Variants in P2RX5 observed in about 807,000 individuals in gnomAD.
The protein encoded by P2RX5 is P2X purinoceptor 5.
A neutral mutation model predicts 54.1 loss-of-function variants in P2RX5; 46 were observed. That is an observed-to-expected ratio of 0.85 (90% CI 0.67 to 1.09). P2RX5 has a LOEUF of 1.09. Ranked by LOEUF, P2RX5 falls within the 50% of genes least tolerant of loss-of-function variation. The probability of loss-of-function intolerance (pLI) is 0.00; values close to 1 mark genes in which losing one functional copy is unlikely to be tolerated. For missense variants in P2RX5, 566 were observed against 549.8 expected, an observed-to-expected ratio of 1.03 and a Z score of -0.29; for synonymous variants, 226 against 226.4, an observed-to-expected ratio of 1.00 and a Z score of 0.02.
chr17:3,690,503 G>T lies in P2RX5; in HGVS notation c.457C>A (p.Leu153Met). Residue 153 changes from leucine (L) to methionine (M), a missense_variant, in exon 5 of 12, where the codon CTG becomes ATG. By Grantham distance (15) the Leu-to-Met change is conservative. Coordinates refer to ENST00000225328, the MANE Select transcript of P2RX5 (RefSeq NM_002561.4). Reference protein sequence around the residue: ...AGNGVKTGRCLRRENLARGTC... With the variant: ...AGNGVKTGRCMRRENLARGTC... The stretch of plus-strand genomic sequence containing the variant: ...CCCCTGGCCAAGTTCTCTCTCCGCA[G>T]GCAGCGGCCGGTCTTCACTCCTGCA... The T allele has an allele frequency of 6.2e-7, 1 of 1,613,592 alleles. No homozygotes were observed. Among genetic ancestry groups the T allele is most frequent in the African/African-American group, 1.3e-5 (1 of 75,060 alleles).
chr17:3,688,720 G>T lies in P2RX5; in HGVS notation c.793C>A (p.Leu265Ile), dbSNP rs763368240. ...TGGCACTCAGAGGCAGCTTTATCAA[G>T]ATCACAGTTCCATTCAATATTAATT... is the stretch of plus-strand genomic sequence containing the variant. ...IGINIEWNCD[L>I]DKAASECHPH... Residue 265 changes from leucine (L) to isoleucine (I), a missense_variant, in exon 8 of 12, where the codon CTT becomes ATT. By Grantham distance (5) the Leu-to-Ile change is conservative. Transcript: ENST00000225328. 5 of 1,613,866 alleles carry T rather than the reference G, an allele frequency of 3.1e-6. No homozygotes were observed. The East Asian group carries it at 8.9e-5, about 29-fold the overall frequency.
intron 11 of P2RX5, chr17:3,676,410 A>G (rs2049663567): frequency 1.5e-5 from 15 of 984,460 alleles, no homozygotes; most frequent in Non-Finnish European, 1.8e-5. Flanking sequence ...GCCTCTGGGG[A>G]ACCGGGAGGA....
the P2RX5 span, among the ~76,000 whole-genome samples, chr17:3,715,252 A>C: frequency 6.6e-6 from 1 of 152,218 alleles, no homozygotes; most frequent in African/African-American, 2.4e-5. Flanking sequence ...TATTTATGCA[A>C]AAATACTCAG....
chr17:3,715,399 C>T, the P2RX5 span, among the ~76,000 whole-genome samples: 1 of 152,100 alleles, frequency 6.6e-6, no homozygotes, highest in Admixed American at 6.6e-5. Context: ...AGGGAGCTCA[C>T]AGCAAACACA....
the P2RX5 span, among the ~76,000 whole-genome samples, chr17:3,704,287 G>T: frequency 6.6e-6 from 1 of 152,232 alleles, no homozygotes; most frequent in East Asian, 1.9e-4. Flanking sequence ...AGGTCATTCC[G>T]CGATAAGGGG....
intron 6 of P2RX5, 50 bp downstream of exon 6, chr17:3,690,020 C>A: frequency 6.5e-7 from 1 of 1,527,556 alleles, no homozygotes; most frequent in East Asian, 2.2e-5. Flanking sequence ...AGCCAAGGCC[C>A]CTCATCGACC....
At chr17:3,693,404 A>T (rs1426914434) in intron 1 of P2RX5, among the ~76,000 whole-genome samples, 1 of 152,228 alleles carries the variant, frequency 6.6e-6, no homozygotes, top group East Asian at 1.9e-4. Flanking sequence ...CAAAAGGTTA[A>T]GGATCGAGTT....
At position 3,682,120 on chromosome 17, in the gene P2RX5, G is replaced by C; in HGVS notation, c.982-142C>G. ...TTAACAGATGAGGAAACTGGGCTCAGCAAGGGGCACCCTTGTCCGACACCA... is the reference window on the plus strand; with the variant it reads ...TTAACAGATGAGGAAACTGGGCTCACCAAGGGGCACCCTTGTCCGACACCA... On this transcript the variant is annotated intron_variant, in intron 9 of 11. Coordinates refer to ENST00000225328, the MANE Select transcript of P2RX5 (RefSeq NM_002561.4). The C allele has an allele frequency of 4.3e-6, 3 of 696,602 alleles. No homozygotes were observed. The East Asian group carries it at 8.2e-5, about 19-fold the overall frequency. The allele number at this position is 696,602 out of a possible 1,614,324, so 43.2% of individuals were successfully genotyped here.
chr17:3,697,294 C>A (rs1357481433), upstream of P2RX5, among the ~76,000 whole-genome samples: 1 of 152,162 alleles, frequency 6.6e-6, no homozygotes, highest in Non-Finnish European at 1.5e-5. Context: ...TGACTGCAAC[C>A]CTCTCAGTAT....
upstream of P2RX5, among the ~76,000 whole-genome samples, chr17:3,699,930 GAAAGAAAGAA>G (rs2050806681): frequency 3.5e-5 from 3 of 86,684 alleles, no homozygotes; most frequent in African/African-American, 1.1e-4. Context: ...AAGAAAGAAA[GAAAGAAAGAA>G]AGAAAGAAAG....
the P2RX5 span, chr17:3,717,112 C>A: frequency 3.4e-6 from 1 of 291,530 alleles, no homozygotes; most frequent in East Asian, 8.8e-5. Flanking sequence ...GGAATCCGGT[C>A]TCAACACAGG....
At chr17:3,705,819 G>C in the P2RX5 span, among the ~76,000 whole-genome samples, 1 of 151,974 alleles carries the variant, frequency 6.6e-6, no homozygotes. Context: ...TTTTTGAGAT[G>C]GTGTCTCACT....
chr17:3,677,507 G>T, intron 11 of P2RX5: 2 of 985,384 alleles, frequency 2.0e-6, no homozygotes, highest in Non-Finnish European at 2.4e-6. Context: ...TTATCCTTGG[G>T]GCAAGCCCAA....
intron 1 of P2RX5, among the ~76,000 whole-genome samples, 157 bp downstream of exon 1, chr17:3,695,712 C>T (rs1388244503): frequency 1.3e-5 from 2 of 152,136 alleles, no homozygotes; most frequent in Non-Finnish European, 1.5e-5. Flanking sequence ...CACCCAAGGA[C>T]CCAAAGAGGA....
At chr17:3,695,827 C>CA in intron 1 of P2RX5, 42 bp downstream of exon 1, 3 of 1,593,638 alleles carry the variant, frequency 1.9e-6, no homozygotes, top group Non-Finnish European at 2.6e-6. Flanking sequence ...GGCACCCGCC[C>CA]TGCCCCTCCC....
intron 11 of P2RX5, among the ~76,000 whole-genome samples, chr17:3,678,541 A>G (rs2050155353): frequency 6.6e-6 from 1 of 152,148 alleles, no homozygotes; most frequent in African/African-American, 2.4e-5. Context: ...TCTACCCCAT[A>G]CGGACCCCTA....
At chr17:3,679,524 G>T (rs2050180680) in intron 11 of P2RX5, 66 bp downstream of exon 11, 2 of 1,465,652 alleles carry the variant, frequency 1.4e-6, no homozygotes, top group African/African-American at 1.4e-5. Flanking sequence ...GGCATGAGAA[G>T]CCCCAACTGG....
chr17:3,673,672 G>T lies in P2RX5; in HGVS notation c.*196C>A. ...GTGGGGCAAAAAGACAGCCATGATG[G>T]GTCCGTCCTGATGACCCCAGCATCA... is the stretch of plus-strand genomic sequence containing the variant. On this transcript the variant is annotated 3_prime_UTR_variant, in exon 12 of 12. Transcript: ENST00000225328. 6.7e-7 allele frequency: 1 copy of T among 1,498,670 alleles called. No individual in the cohort carries two copies. Among genetic ancestry groups the T allele is most frequent in the Non-Finnish European group, 8.9e-7 (1 of 1,124,316 alleles). 92.8% of individuals were successfully genotyped at this position (1,498,670 alleles called of 1,614,324 possible). A position where few individuals can be genotyped will look rare whatever the true frequency, so the allele number is the denominator to read the frequency against.
At chr17:3,719,235 CAAAAAAAAAAAA>C in the P2RX5 span, among the ~76,000 whole-genome samples, 2 of 66,246 alleles carry the variant, frequency 3.0e-5, no homozygotes, top group African/African-American at 5.8e-5. Flanking sequence ...GATTCTTCCT[CAAAAAAAAAAAA>C]AAAAAAAAAG....
Sources: gnomAD v4.1 joint callset for allele counts (sites outside exome capture counted in the v4.1 genomes callset) on GRCh38, gnomAD v4.1.1 for gene constraint, MANE v1.5 for transcripts, NCBI Gene and HGNC (gene_info 2026-07-23, HGNC 2026-07-21) for gene names.